SP140: variants seen among roughly 807,000 people sequenced by gnomAD.
SP140 encodes the protein nuclear body protein SP140.
In SP140, 81 loss-of-function variants were observed where a neutral mutation model predicts 125.0. That is an observed-to-expected ratio of 0.65 (90% CI 0.54 to 0.78). The LOEUF (loss-of-function observed/expected upper bound fraction) is 0.78. SP140 is among the 30% of genes least tolerant of loss of function. The probability of loss-of-function intolerance (pLI) is 0.00; values close to 1 mark genes in which losing one functional copy is unlikely to be tolerated. For synonymous variants in SP140, 312 were observed against 354.0 expected, an observed-to-expected ratio of 0.88 and a Z score of 1.33; for missense variants, 858 against 1,037.0, an observed-to-expected ratio of 0.83 and a Z score of 2.37.
intron 5 of SP140, 83 bp downstream of exon 5, chr2:230,243,894 A>T (rs545177310): frequency 2.7e-5 from 25 of 926,060 alleles, no homozygotes; most frequent in Admixed American, 2.7e-4. Flanking sequence ...AATGCATTTT[A>T]CTCTGAGTAC....
At chr2:230,290,663 G>A in intron 19 of SP140, 99 bp downstream of exon 19, 4 of 1,082,484 alleles carry the variant, frequency 3.7e-6, no homozygotes, top group Non-Finnish European at 1.4e-6. Flanking sequence ...AAGGAGTTTG[G>A]TCCCAGTTTG....
intron 4 of SP140, among the ~76,000 whole-genome samples, chr2:230,242,900 C>T (rs1018458980): frequency 6.6e-6 from 1 of 152,210 alleles, no homozygotes; most frequent in Admixed American, 6.5e-5. Context: ...CATCTCCTCC[C>T]TCTAATCTTG....
intron 12 of SP140, among the ~76,000 whole-genome samples, chr2:230,263,522 G>T (rs1352894141): frequency 1.3e-5 from 2 of 151,938 alleles, no homozygotes; most frequent in Admixed American, 1.3e-4. Flanking sequence ...TGTACTTTTT[G>T]TTTTTATTTT....
intron 1 of SP140, chr2:230,208,112 G>T: frequency 2.0e-6 from 2 of 999,768 alleles, no homozygotes; most frequent in South Asian, 1.3e-5. Flanking sequence ...TCCCAATCTT[G>T]TATGTCAATG....
In SP140 at chr2:230,237,304, A is replaced by C; in HGVS notation, c.237+44A>C. On this transcript the variant is annotated intron_variant, in intron 2 of 26. Coordinates refer to ENST00000392045, the MANE Select transcript of SP140 (RefSeq NM_007237.5). This position sits in a 1 kb window ranked among gnomAD's most constrained non-coding sequence, Gnocchi z 5.4. ...ATGATGATAAACCAGGTCCATACTCAATTATGCCAAACTTCAAGATGCAAT... is the reference window on the plus strand; with the variant it reads ...ATGATGATAAACCAGGTCCATACTCCATTATGCCAAACTTCAAGATGCAAT... The C allele has an allele frequency of 7.0e-6, 11 of 1,566,382 alleles. No homozygotes were observed. Among genetic ancestry groups the C allele is most frequent in the Non-Finnish European group, 9.6e-6 (11 of 1,147,756 alleles).
intron 22 of SP140, among the ~76,000 whole-genome samples, chr2:230,308,027 A>G (rs530658877): frequency 6.8e-6 from 1 of 147,602 alleles, no homozygotes; most frequent in South Asian, 2.2e-4. Context: ...AGAGACACAC[A>G]CACACACACA....
intron 11 of SP140, among the ~76,000 whole-genome samples, chr2:230,254,159 G>A (rs1215593482): frequency 1.3e-5 from 2 of 152,160 alleles, no homozygotes; most frequent in Non-Finnish European, 2.9e-5. Flanking sequence ...TTGGAAGGAA[G>A]CACAGATTAA....
intron 7 of SP140, among the ~76,000 whole-genome samples, chr2:230,246,428 T>A (rs1347659670): frequency 3.3e-5 from 5 of 152,168 alleles, no homozygotes; most frequent in Non-Finnish European, 5.9e-5. Context: ...TTGGGTAATA[T>A]TACCACATTG....
chr2:230,186,658 G>A, the SP140 span, among the ~76,000 whole-genome samples: 3 of 151,808 alleles, frequency 2.0e-5, no homozygotes, highest in Admixed American at 6.6e-5. Flanking sequence ...CCCCTCCTCC[G>A]TCCCTCTCCT....
chr2:230,259,372 C>T (rs779001371), intron 12 of SP140, among the ~76,000 whole-genome samples: 73 of 152,070 alleles, frequency 4.8e-4, no homozygotes, highest in Non-Finnish European at 9.4e-4. Flanking sequence ...TCCTGAGTTA[C>T]TTCACTTAGG....
chr2:230,233,608 A>T (rs1011023537), intron 1 of SP140, among the ~76,000 whole-genome samples: 8 of 152,220 alleles, frequency 5.3e-5, no homozygotes, highest in African/African-American at 1.9e-4. Context: ...AGAAATTAAA[A>T]CTTTGAACAC....
intron 10 of SP140, 83 bp from the exon 11 acceptor site, chr2:230,253,232 AG>A: frequency 1.1e-6 from 1 of 930,980 alleles, no homozygotes; most frequent in Non-Finnish European, 1.8e-6. Flanking sequence ...GGAACAAGAC[AG>A]GGGTGGCTCT....
At chr2:230,286,558 C>G (rs770583232) in intron 17 of SP140, among the ~76,000 whole-genome samples, 3 of 152,218 alleles carry the variant, frequency 2.0e-5, no homozygotes, top group Non-Finnish European at 2.9e-5. Context: ...CTAGCTCTTT[C>G]TTCCATGAGA....
intron 15 of SP140, among the ~76,000 whole-genome samples, chr2:230,272,618 T>A (rs1424184474): frequency 6.6e-6 from 1 of 152,196 alleles, no homozygotes; most frequent in Non-Finnish European, 1.5e-5. Flanking sequence ...CCCAGCCACA[T>A]GGAACTGTAA....
downstream of SP140, among the ~76,000 whole-genome samples, chr2:230,316,313 A>G (rs541868575): frequency 6.6e-6 from 1 of 152,222 alleles, no homozygotes; most frequent in African/African-American, 2.4e-5. Flanking sequence ...ATCCCCTCCA[A>G]AGCTCCAAGC....
intron 12 of SP140, among the ~76,000 whole-genome samples, chr2:230,267,743 T>C (rs2053345829): frequency 6.6e-6 from 1 of 152,148 alleles, no homozygotes. Flanking sequence ...AGTATAAGTG[T>C]GAATGGTGTG....
intron 21 of SP140, among the ~76,000 whole-genome samples, chr2:230,296,973 CTG>C (rs906032775): frequency 6.6e-6 from 1 of 152,150 alleles, no homozygotes; most frequent in Non-Finnish European, 1.5e-5. Context: ...AAAGGGAAGA[CTG>C]TTTACAAAAA....
At chr2:230,250,044 T>C (rs2050121811) in intron 9 of SP140, among the ~76,000 whole-genome samples, 1 of 152,186 alleles carries the variant, frequency 6.6e-6, no homozygotes, top group Non-Finnish European at 1.5e-5. Flanking sequence ...CCCCTTGCAA[T>C]GTCTTTCAGG....
chr2:230,188,256 T>C, the SP140 span, among the ~76,000 whole-genome samples: 1 of 152,006 alleles, frequency 6.6e-6, no homozygotes, highest in Non-Finnish European at 1.5e-5. Context: ...TGAAGTTGTT[T>C]TAAAAGGGAT....
Sources: allele counts gnomAD v4.1 joint callset (sites outside exome capture counted in the v4.1 genomes callset), GRCh38; gene constraint gnomAD v4.1.1; non-coding constraint Gnocchi (gnomAD v3.1); transcripts MANE v1.5; gene names NCBI Gene and HGNC (gene_info 2026-07-23, HGNC 2026-07-21).